The following DLGAP4 variants were observed in gnomAD, a reference collection of about 807,000 sequenced individuals.
The protein encoded by DLGAP4 is DLG associated protein 4.
Under a neutral mutation model 86.9 loss-of-function variants are expected in DLGAP4, and 18 were observed. That is an observed-to-expected ratio of 0.21 (90% confidence interval 0.14 to 0.31). The LOEUF (loss-of-function observed/expected upper bound fraction) is 0.31. Among genes scored for constraint, DLGAP4 ranks in the 10% least tolerant of loss-of-function variants. DLGAP4 has a pLI of 1.00. For synonymous variants in DLGAP4, 548 were observed against 574.3 expected (o/e 0.95, Z 0.65); for missense variants, 1,085 against 1,362.6 (o/e 0.80, Z 3.21).
chr20:36,308,178 T>G lies in DLGAP4; in HGVS notation c.-304+1666T>G, dbSNP rs558768780. Among the ~76,000 whole-genome samples, 1 of 152,196 alleles carries G rather than the reference T, an allele frequency of 6.6e-6. No individual in the cohort carries two copies. Among genetic ancestry groups the G allele is most frequent in the Non-Finnish European group, 1.5e-5 (1 of 68,028 alleles). On this transcript the variant is annotated intron_variant, in intron 1 of 12. Coordinates refer to ENST00000339266, the MANE Select transcript of DLGAP4 (RefSeq NM_001365621.2). This position sits in a 1 kb window ranked among gnomAD's most constrained non-coding sequence, Gnocchi z 4.5. ...TGGCAGGGGTAGGCCAGGGATCCTG[T>G]GTCCTCCAGGAGCTGGGACAGCGCA...
chr20:36,468,244 TG>T, intron 7 of DLGAP4, among the ~76,000 whole-genome samples: 1 of 152,318 alleles, frequency 6.6e-6, no homozygotes, highest in South Asian at 2.1e-4. Context: ...TGTCCACCAC[TG>T]GGTCTGTTGG....
chr20:36,499,824 GAGGCTGGGCA>G, intron 9 of DLGAP4, 148 bp downstream of exon 9: 2 of 602,258 alleles, frequency 3.3e-6, no homozygotes, highest in East Asian at 3.5e-5. Flanking sequence ...CCAGGCATGG[GAGGCTGGGCA>G]GGGGCGGGCG....
chr20:36,338,226 G>A (rs532642653), intron 1 of DLGAP4, among the ~76,000 whole-genome samples: 12 of 152,198 alleles, frequency 7.9e-5, no homozygotes. Flanking sequence ...GAGTGCAAGG[G>A]GGGAGGCAGG....
chr20:36,408,504 AGG>A (rs2147496780), intron 2 of DLGAP4, among the ~76,000 whole-genome samples: 1 of 152,312 alleles, frequency 6.6e-6, no homozygotes, highest in Admixed American at 6.5e-5. Context: ...TTGTTCCTGC[AGG>A]CAGTCACAAG....
chr20:36,317,777 A>C (rs1226783931), intron 1 of DLGAP4, among the ~76,000 whole-genome samples: 1 of 151,746 alleles, frequency 6.6e-6, no homozygotes, highest in Non-Finnish European at 1.5e-5. Context: ...ATTTTCTGAA[A>C]ACTGACAGGT....
intron 1 of DLGAP4, among the ~76,000 whole-genome samples, chr20:36,321,845 C>T (rs1364696535): frequency 1.3e-5 from 2 of 150,188 alleles, no homozygotes; most frequent in African/African-American, 5.0e-5. Flanking sequence ...AGATCCCCCT[C>T]GATCTACCTG....
At position 36,432,877 on chromosome 20, in the gene DLGAP4, G is replaced by A; in HGVS notation, c.999+161G>A. On this transcript the variant is annotated intron_variant, in intron 3 of 12. Transcript: ENST00000339266. The surrounding 1 kb of genome is among the most constrained non-coding windows in gnomAD (Gnocchi z 6.5). ...CCTAGTGGTACCTGCTAATCAGGGA[G>A]TCCTTCCACTGGTCATGCTCTCAAC... 6.6e-6 allele frequency among the ~76,000 whole-genome samples: 1 copy of A among 152,166 alleles called. No individual in the cohort carries two copies. The highest frequency in any genetic ancestry group is 1.9e-4 in the East Asian group (1 of 5,194).
At chr20:36,462,519 T>C in intron 7 of DLGAP4, 8 of 1,598,152 alleles carry the variant, frequency 5.0e-6, no homozygotes, top group Admixed American at 1.7e-5. Flanking sequence ...TCCCTCTCCC[T>C]TTTTCTGTCT....
chr20:36,513,527 C>T (rs1370118094), intron 10 of DLGAP4, among the ~76,000 whole-genome samples: 1 of 143,502 alleles, frequency 7.0e-6, no homozygotes, highest in African/African-American at 2.6e-5. Flanking sequence ...CGCAATCCGG[C>T]CTGGGCGACA....
intron 2 of DLGAP4, among the ~76,000 whole-genome samples, chr20:36,381,046 C>T (rs2031373106): frequency 1.3e-5 from 2 of 152,186 alleles, no homozygotes; most frequent in Admixed American, 1.3e-4. Flanking sequence ...GCATGATCCA[C>T]CTTAAAGTAC....
chr20:36,465,680 A>G (rs976709979), intron 7 of DLGAP4, among the ~76,000 whole-genome samples: 3 of 152,140 alleles, frequency 2.0e-5, no homozygotes, highest in Non-Finnish European at 2.9e-5. Flanking sequence ...CTGAGCAGCA[A>G]CCAGACACAC....
chr20:36,344,049 A>C (rs2065411608), intron 1 of DLGAP4, among the ~76,000 whole-genome samples: 1 of 152,122 alleles, frequency 6.6e-6, no homozygotes, highest in African/African-American at 2.4e-5. Flanking sequence ...ATCAGGAAAA[A>C]GTCTGTGCCG....
chr20:36,461,842 C>T, intron 7 of DLGAP4: 2 of 984,114 alleles, frequency 2.0e-6, no homozygotes, highest in Non-Finnish European at 2.4e-6. Flanking sequence ...CTCTCCCCGG[C>T]TCGCTGTCTC....
At chr20:36,391,456 A>T (rs1410788788) in intron 2 of DLGAP4, among the ~76,000 whole-genome samples, 1 of 152,128 alleles carries the variant, frequency 6.6e-6, no homozygotes, top group East Asian at 1.9e-4. Context: ...CAAAAACTTC[A>T]AACGCACCCA....
At chr20:36,378,151 G>T (rs1243777639) in intron 2 of DLGAP4, among the ~76,000 whole-genome samples, 1 of 152,202 alleles carries the variant, frequency 6.6e-6, no homozygotes, top group Non-Finnish European at 1.5e-5. Flanking sequence ...AGACACCTGG[G>T]TGTTACCCTA....
chr20:36,327,394 T>C (rs2065226138), intron 1 of DLGAP4, among the ~76,000 whole-genome samples: 1 of 152,126 alleles, frequency 6.6e-6, no homozygotes, highest in South Asian at 2.1e-4. Flanking sequence ...GTTCATTTAG[T>C]TCCTGAAATG....
In DLGAP4 at chr20:36,341,640, G is replaced by A. The variant is rs980483680; in HGVS notation, c.-303-25405G>A. On this transcript the variant is annotated intron_variant, in intron 1 of 12. Transcript: ENST00000339266. ...CACGCGGCTCCCGCGGGGAGGAGTT[G>A]GTGTCTGATCTCCCAGATCTGCACT... Among the ~76,000 whole-genome samples the A allele has an allele frequency of 5.3e-5, 8 of 152,338 alleles. No homozygotes were observed. The East Asian group carries it at 1.5e-3, about 29-fold the overall frequency.
chr20:36,517,448 G>C (rs561293005), intron 10 of DLGAP4, among the ~76,000 whole-genome samples: 1 of 152,156 alleles, frequency 6.6e-6, no homozygotes, highest in Non-Finnish European at 1.5e-5. Flanking sequence ...TGTATTTTTA[G>C]TAGAGATGAG....
intron 2 of DLGAP4, among the ~76,000 whole-genome samples, chr20:36,399,125 G>A (rs1373503174): frequency 2.0e-5 from 3 of 152,178 alleles, no homozygotes; most frequent in Non-Finnish European, 2.9e-5. Flanking sequence ...CCCAGGAGGC[G>A]GAGTTGCAGT....
Sources: allele counts gnomAD v4.1 joint callset (sites outside exome capture counted in the v4.1 genomes callset), GRCh38; gene constraint gnomAD v4.1.1; non-coding constraint Gnocchi (gnomAD v3.1); transcripts MANE v1.5; gene names NCBI Gene and HGNC (gene_info 2026-07-23, HGNC 2026-07-21).